GPBP1L1: variants seen among roughly 807,000 people sequenced by gnomAD.
GPBP1L1 encodes the protein GC-rich promoter binding protein 1 like 1.
In GPBP1L1, 23 loss-of-function variants were observed where a neutral mutation model predicts 52.5. The observed-to-expected ratio is 0.44, with a 90% CI of 0.32 to 0.62. The LOEUF is 0.62. GPBP1L1 is among the 20% of genes least tolerant of loss of function. The pLI is 0.06. For synonymous variants in GPBP1L1, 243 were observed against 203.1 expected (o/e 1.20, Z -1.67); for missense variants, 596 against 579.3 (o/e 1.03, Z -0.30).
At chr1:45,684,200 G>A (rs958382181) in intron 2 of GPBP1L1, among the ~76,000 whole-genome samples, 2 of 130,536 alleles carry the variant, frequency 1.5e-5, no homozygotes, top group African/African-American at 5.8e-5. Context: ...GGAGGTTGCA[G>A]TGAACAGAAA....
intron 1 of GPBP1L1, among the ~76,000 whole-genome samples, chr1:45,686,097 C>A (rs561550536): frequency 7.2e-5 from 11 of 152,368 alleles, no homozygotes; most frequent in African/African-American, 2.6e-4. Flanking sequence ...CAAGCCGGAT[C>A]GCCTGGAGAG....
At chr1:45,638,626 T>C (rs1406803610) in intron 8 of GPBP1L1, among the ~76,000 whole-genome samples, 1 of 152,136 alleles carries the variant, frequency 6.6e-6, no homozygotes. Context: ...TCATTATCAC[T>C]AGGATAGTAA....
At chr1:45,631,813 G>A (rs1025666342) in intron 10 of GPBP1L1, among the ~76,000 whole-genome samples, 5 of 152,068 alleles carry the variant, frequency 3.3e-5, no homozygotes, top group African/African-American at 1.2e-4. Flanking sequence ...CCAGCTACTC[G>A]GGAGGCTGAG....
intron 2 of GPBP1L1, among the ~76,000 whole-genome samples, chr1:45,677,701 AATC>A (rs1251903457): frequency 6.6e-6 from 1 of 152,228 alleles, no homozygotes; most frequent in Non-Finnish European, 1.5e-5. Context: ...GCATGAGAGA[AATC>A]ATGTGAAGTG....
intron 6 of GPBP1L1, 147 bp from the exon 7 acceptor site, chr1:45,642,646 CG>C: frequency 1.6e-6 from 1 of 639,748 alleles, no homozygotes; most frequent in Non-Finnish European, 2.8e-6. Flanking sequence ...TATTCAGAAA[CG>C]TAACAAACAG....
intron 4 of GPBP1L1, among the ~76,000 whole-genome samples, chr1:45,656,579 G>C (rs572290961): frequency 3.4e-4 from 51 of 152,018 alleles, no homozygotes; most frequent in African/African-American, 1.1e-3. Context: ...ATAGAAGCTA[G>C]TTCTTCTAGC....
intron 6 of GPBP1L1, chr1:45,650,990 A>T (rs931554418): frequency 2.9e-6 from 1 of 344,578 alleles, no homozygotes; most frequent in African/African-American, 2.1e-5. Flanking sequence ...GAAAATTTGC[A>T]TTACCTTTTT....
chr1:45,684,814 C>A (rs4553239), intron 2 of GPBP1L1, among the ~76,000 whole-genome samples: 43,769 of 151,740 alleles, frequency 0.29, 6,409 homozygotes, highest in South Asian at 0.37. Context: ...ACAACAACAA[C>A]AAAAAATCCT....
In GPBP1L1 at chr1:45,629,566, T is replaced by C. The variant is rs777085908; in HGVS notation, c.1272+10A>G. 15 of 1,562,466 alleles carry C rather than the reference T, an allele frequency of 9.6e-6. No individual in the cohort carries two copies. The highest frequency in any genetic ancestry group is 1.4e-5 in the African/African-American group (1 of 73,628). Reference sequence around the variant, plus strand: ...CTAACTGGTCTCTAGGAAGAAGGTTTACAACATACCTGCTCTGTCTTCATG... The same window carrying C: ...CTAACTGGTCTCTAGGAAGAAGGTTCACAACATACCTGCTCTGTCTTCATG... On this transcript the variant is annotated intron_variant, in intron 12 of 12. Coordinates refer to ENST00000355105, the MANE Select transcript of GPBP1L1 (RefSeq NM_021639.5).
chr1:45,653,743 G>T (rs1358645407), intron 6 of GPBP1L1, among the ~76,000 whole-genome samples: 2 of 143,390 alleles, frequency 1.4e-5, no homozygotes, highest in Admixed American at 7.3e-5. Context: ...CTATTGCCCA[G>T]ACTGGAGTGT....
chr1:45,653,544 AGACAAG>A (rs1644845345), intron 6 of GPBP1L1, among the ~76,000 whole-genome samples: 1 of 151,828 alleles, frequency 6.6e-6, no homozygotes, highest in African/African-American at 2.4e-5. Context: ...TTTTTTATAG[AGACAAG>A]GATCTTGCTG....
Position 45,634,090 on chromosome 1 carries a change from A to C in GPBP1L1, c.885+6T>G, listed in dbSNP as rs1569757571. ...GAAAAGACTGTCCTGCTTCATCCTCACTCACCTCTTTGGGAGAACTCAGAG... is the reference window on the plus strand; with the variant it reads ...GAAAAGACTGTCCTGCTTCATCCTCCCTCACCTCTTTGGGAGAACTCAGAG... On this transcript the variant is annotated splice_donor_region_variant and intron_variant, in intron 9 of 12. Coordinates refer to ENST00000355105, the MANE Select transcript of GPBP1L1 (RefSeq NM_021639.5). 1 of 1,599,660 alleles carries C rather than the reference A, an allele frequency of 6.3e-7. No homozygotes were observed. The highest frequency in any genetic ancestry group is 8.5e-7 in the Non-Finnish European group (1 of 1,171,192).
intron 8 of GPBP1L1, among the ~76,000 whole-genome samples, chr1:45,638,129 A>G (rs1032729495): frequency 3.9e-5 from 6 of 152,250 alleles, no homozygotes; most frequent in Non-Finnish European, 8.8e-5. Flanking sequence ...CTTTTCAAAG[A>G]TAACTGTACT....
chr1:45,654,906 G>C (rs1644865963), intron 5 of GPBP1L1, 77 bp from the exon 6 acceptor site: 2 of 1,365,854 alleles, frequency 1.5e-6, no homozygotes, highest in African/African-American at 2.9e-5. Context: ...AAGGCCTTCA[G>C]GAGACCTCGT....
intron 9 of GPBP1L1, 176 bp from the exon 10 acceptor site, chr1:45,633,823 G>T (rs1339363994): frequency 1.4e-6 from 1 of 711,140 alleles, no homozygotes; most frequent in Non-Finnish European, 2.3e-6. Context: ...ATATAGTTAA[G>T]AGCAGCTGGC....
intron 7 of GPBP1L1, 86 bp downstream of exon 7, chr1:45,642,341 A>G: frequency 1.1e-6 from 1 of 874,474 alleles, no homozygotes; most frequent in Non-Finnish European, 1.9e-6. Context: ...GAAACAAGAG[A>G]TAAAAAGAGA....
chr1:45,656,904 C>CA (rs1238470539), intron 4 of GPBP1L1, among the ~76,000 whole-genome samples: 6 of 151,914 alleles, frequency 3.9e-5, no homozygotes, highest in Non-Finnish European at 8.8e-5. Flanking sequence ...AAGCTGGTCT[C>CA]AAACTCCTGG....
intron 2 of GPBP1L1, among the ~76,000 whole-genome samples, chr1:45,679,510 G>A (rs953066309): frequency 6.6e-6 from 1 of 152,140 alleles, no homozygotes; most frequent in Non-Finnish European, 1.5e-5. Context: ...GTCCAGCACA[G>A]AAAGTTTATC....
intron 4 of GPBP1L1, among the ~76,000 whole-genome samples, chr1:45,656,645 A>T (rs543447771): frequency 3.3e-5 from 5 of 152,140 alleles, no homozygotes; most frequent in Admixed American, 6.5e-5. Context: ...TTTAGTCAAA[A>T]ATCAACAAAA....
Sources: allele counts gnomAD v4.1 joint callset (sites outside exome capture counted in the v4.1 genomes callset), GRCh38; gene constraint gnomAD v4.1.1; transcripts MANE v1.5; gene names NCBI Gene and HGNC (gene_info 2026-07-23, HGNC 2026-07-21).